CSGALNACT1: variants seen among roughly 807,000 people sequenced by gnomAD.
CSGALNACT1 encodes the protein chondroitin sulfate N-acetylgalactosaminyltransferase 1.
CSGALNACT1 carries 52 observed loss-of-function variants against 51.0 expected under a neutral mutation model. That is an observed-to-expected ratio of 1.02 (90% CI 0.82 to 1.29). The LOEUF (loss-of-function observed/expected upper bound fraction) is 1.29. Among genes scored for constraint, CSGALNACT1 ranks in the 50% most tolerant of loss-of-function variants. The probability of loss-of-function intolerance (pLI) is 0.00; values close to 1 mark genes in which losing one functional copy is unlikely to be tolerated. For missense variants in CSGALNACT1, 935 were observed against 679.2 expected, an observed-to-expected ratio of 1.38 and a Z score of -4.19; for synonymous variants, 341 against 254.4, an observed-to-expected ratio of 1.34 and a Z score of -3.24.
chr8:19,509,445 C>G (rs2078022554), intron 3 of CSGALNACT1, among the ~76,000 whole-genome samples: 1 of 151,766 alleles, frequency 6.6e-6, no homozygotes, highest in African/African-American at 2.4e-5. Context: ...ATGGTAAAAC[C>G]CCGCCTCTAC....
rs560572010 is a variant in CSGALNACT1 at position 19,439,389 on chromosome 8, T to C, written c.953+441A>G. Among the ~76,000 whole-genome samples the C allele has an allele frequency of 7.2e-5, 11 of 152,356 alleles. No homozygotes were observed. The East Asian group carries it at 1.9e-3, about 27-fold the overall frequency. ...AATGAAAGCCCAAAGGGTGAGACTG[T>C]TTGCTAAGTGGATGAGATCTGAGCA... is the stretch of plus-strand genomic sequence containing the variant. On this transcript the variant is annotated intron_variant, in intron 6 of 9. Coordinates refer to ENST00000454498, the Ensembl canonical transcript of CSGALNACT1.
chr8:19,491,163 TTTATAA>T (rs1235544902), intron 4 of CSGALNACT1, among the ~76,000 whole-genome samples: 1 of 152,184 alleles, frequency 6.6e-6, no homozygotes, highest in South Asian at 2.1e-4. Flanking sequence ...AGATAAAAAC[TTTATAA>T]TTATTTTCAC....
intron 3 of CSGALNACT1, among the ~76,000 whole-genome samples, chr8:19,562,464 A>G (rs1258633869): frequency 1.3e-5 from 2 of 151,158 alleles, no homozygotes; most frequent in Non-Finnish European, 2.9e-5. Context: ...AATGGGGTTC[A>G]ATTAAACAGC....
chr8:19,578,872 C>T (rs561152155), intron 3 of CSGALNACT1, among the ~76,000 whole-genome samples: 9 of 152,214 alleles, frequency 5.9e-5, no homozygotes, highest in Non-Finnish European at 1.3e-4. Context: ...AAGACCACGT[C>T]GACCCTGCAA....
chr8:19,407,187 A>T (rs2054383821), intron 9 of CSGALNACT1, among the ~76,000 whole-genome samples: 1 of 150,624 alleles, frequency 6.6e-6, no homozygotes, highest in Non-Finnish European at 1.5e-5. Context: ...TGACTTCAAC[A>T]TTTTTTTTTT....
At chr8:19,488,361 TTATATATACATATATA>T (rs1345377288) in intron 4 of CSGALNACT1, among the ~76,000 whole-genome samples, 1 of 89,836 alleles carries the variant, frequency 1.1e-5, no homozygotes, top group African/African-American at 3.8e-5. Context: ...TTATATATAT[TTATATATACATATATA>T]TATATATATA....
In CSGALNACT1 at chr8:19,599,914, T is replaced by C. The variant is rs114731943; in HGVS notation, c.-416+1857A>G. Among the ~76,000 whole-genome samples the C allele has an allele frequency of 9.1e-3, 1,379 of 152,332 alleles. 24 individuals carry two copies. Among genetic ancestry groups the C allele is most frequent in the African/African-American group, 0.031 (1,285 of 41,574 alleles). ...AACCTACCCCACACCCAGTGCATGCTTGGCAATCACAGGATCCCAGCAAGG... is the reference window on the plus strand; with the variant it reads ...AACCTACCCCACACCCAGTGCATGCCTGGCAATCACAGGATCCCAGCAAGG... On this transcript the variant is annotated intron_variant, in intron 2 of 9. Transcript: ENST00000454498.
At chr8:19,489,616 A>G (rs4614013) in intron 4 of CSGALNACT1, among the ~76,000 whole-genome samples, 118,760 of 152,104 alleles carry the variant, frequency 0.78, 46,689 homozygotes, top group East Asian at 0.86. Context: ...TCCCTCATTT[A>G]AGTCTAGGGG....
At chr8:19,584,170 G>GT (rs1338225437) in intron 3 of CSGALNACT1, among the ~76,000 whole-genome samples, 1 of 152,196 alleles carries the variant, frequency 6.6e-6, no homozygotes, top group South Asian at 2.1e-4. Context: ...TACCTCTGCT[G>GT]TTTTTTCATC....
chr8:19,567,584 A>G (rs2042148930), intron 3 of CSGALNACT1, among the ~76,000 whole-genome samples: 1 of 152,246 alleles, frequency 6.6e-6, no homozygotes, highest in African/African-American at 2.4e-5. Flanking sequence ...AAGGATACCC[A>G]CTACCATCAC....
chr8:19,513,428 C>CTATATATATA (rs1369189523), intron 3 of CSGALNACT1, among the ~76,000 whole-genome samples: 1 of 82,884 alleles, frequency 1.2e-5, no homozygotes, highest in African/African-American at 4.3e-5. Flanking sequence ...CTCTCTCTCT[C>CTATATATATA]TCTCTCTCTA....
chr8:19,572,769 T>C (rs2043296066), intron 3 of CSGALNACT1, among the ~76,000 whole-genome samples: 1 of 152,258 alleles, frequency 6.6e-6, no homozygotes, highest in African/African-American at 2.4e-5. Context: ...ACATTTAATG[T>C]GTATTATCTG....
intron 1 of CSGALNACT1, among the ~76,000 whole-genome samples, chr8:19,755,456 C>CAAAAAAAAAAAAGA (rs2065300858): frequency 1.3e-5 from 1 of 74,532 alleles, no homozygotes; most frequent in Non-Finnish European, 2.5e-5. Context: ...TAAAGAAAGA[C>CAAAAAAAAAAAAGA]AAAAAAAAAA....
exon 6 of CSGALNACT1, chr8:19,439,891 C>G (rs777811876): frequency 4.3e-6 from 7 of 1,614,198 alleles, no homozygotes; most frequent in Non-Finnish European, 5.9e-6. Context: ...AAGTAAACAA[C>G]AGTGAGATGG....
chr8:19,569,914 C>G (rs2154108116), intron 3 of CSGALNACT1, among the ~76,000 whole-genome samples: 1 of 152,272 alleles, frequency 6.6e-6, no homozygotes, highest in East Asian at 1.9e-4. Flanking sequence ...ACAGATCAAT[C>G]TCAGAGACAC....
chr8:19,455,727 C>T (rs990300610), intron 5 of CSGALNACT1, among the ~76,000 whole-genome samples: 4 of 152,222 alleles, frequency 2.6e-5, no homozygotes, highest in African/African-American at 9.7e-5. Flanking sequence ...CCCTACTCAG[C>T]CTCCTGCTCC....
exon 7 of CSGALNACT1, chr8:19,420,343 G>A: frequency 1.2e-6 from 2 of 1,614,038 alleles, no homozygotes; most frequent in Non-Finnish European, 1.7e-6. Context: ...TCCATACCTG[G>A]CTGTGTATTC....
intron 1 of CSGALNACT1, among the ~76,000 whole-genome samples, chr8:19,666,697 GGAGAGAAA>G (rs2154194001): frequency 6.8e-6 from 1 of 146,444 alleles, no homozygotes; most frequent in South Asian, 2.2e-4. Context: ...GACTGTCCCG[GGAGAGAAA>G]GAGAGAAAAG....
intron 1 of CSGALNACT1, among the ~76,000 whole-genome samples, chr8:19,752,685 C>T (rs1311326946): frequency 2.0e-5 from 3 of 152,178 alleles, no homozygotes; most frequent in Non-Finnish European, 4.4e-5. Flanking sequence ...GGACAAATCA[C>T]ATCTACCTCC....
Sources: gnomAD v4.1 joint callset for allele counts (sites outside exome capture counted in the v4.1 genomes callset) on GRCh38, gnomAD v4.1.1 for gene constraint, MANE v1.5 for transcripts, NCBI Gene and HGNC (gene_info 2026-07-23, HGNC 2026-07-21) for gene names.